Variants in TFAP2D observed in about 807,000 individuals in gnomAD.
TFAP2D encodes the protein transcription factor AP-2 delta.
TFAP2D carries 9 observed loss-of-function variants against 43.6 expected under a neutral mutation model. That is an observed-to-expected ratio of 0.21 (90% CI 0.12 to 0.36). TFAP2D has a LOEUF of 0.36. TFAP2D is among the 10% of genes least tolerant of loss of function. TFAP2D has a pLI of 1.00. For missense variants in TFAP2D, 513 were observed against 561.4 expected, an observed-to-expected ratio of 0.91 and a Z score of 0.87; for synonymous variants, 256 against 224.9, an observed-to-expected ratio of 1.14 and a Z score of -1.24.
In TFAP2D at chr6:50,713,876, A is replaced by G; in HGVS notation, c.-180A>G. On this transcript the variant is annotated 5_prime_UTR_variant, in exon 1 of 8. Transcript: ENST00000008391. ...GAAAATTTTGTTCCTACAGGTTTTT[A>G]AGTGGGTACGAGGCAAGGAGCTATC... 3 of 870,090 alleles carry G rather than the reference A, an allele frequency of 3.4e-6. No homozygotes were observed. The highest frequency in any genetic ancestry group is 1.8e-6 in the Non-Finnish European group (1 of 570,426). 53.9% of individuals were successfully genotyped at this position (870,090 alleles called of 1,614,324 possible). A position where few individuals can be genotyped will look rare whatever the true frequency, so the allele number is the denominator to read the frequency against.
chr6:50,719,495 A>T (rs980556659), intron 3 of TFAP2D, among the ~76,000 whole-genome samples: 323 of 132,724 alleles, frequency 2.4e-3, no homozygotes, highest in Non-Finnish European at 4.0e-3. Flanking sequence ...GAAAGAAAGA[A>T]AGAAAGAAGT....
chr6:50,755,346 G>C (rs1208526137), intron 7 of TFAP2D, among the ~76,000 whole-genome samples: 1 of 150,520 alleles, frequency 6.6e-6, no homozygotes, highest in East Asian at 2.0e-4. Context: ...AAGTCAGCTT[G>C]TTGCTTAGCC....
intron 7 of TFAP2D, among the ~76,000 whole-genome samples, chr6:50,759,817 C>A (rs974551363): frequency 6.6e-6 from 1 of 151,946 alleles, no homozygotes; most frequent in Non-Finnish European, 1.5e-5. Context: ...TCACAAGGAC[C>A]CATTCATTCC....
chr6:50,719,551 G>T (rs1171158113), intron 3 of TFAP2D, among the ~76,000 whole-genome samples: 1 of 152,164 alleles, frequency 6.6e-6, no homozygotes, highest in African/African-American at 2.4e-5. Flanking sequence ...TCCTCCAGCA[G>T]AATTTCTGGT....
intron 5 of TFAP2D, among the ~76,000 whole-genome samples, chr6:50,734,699 A>C (rs1229883040): frequency 1.3e-5 from 2 of 152,074 alleles, no homozygotes; most frequent in Non-Finnish European, 2.9e-5. Flanking sequence ...TAATCACGTG[A>C]CCACACCTTA....
chr6:50,723,179 A>T (rs1400343055), intron 3 of TFAP2D, among the ~76,000 whole-genome samples: 1 of 152,226 alleles, frequency 6.6e-6, no homozygotes, highest in East Asian at 1.9e-4. Context: ...ATCTGATTTA[A>T]TTTCTTTAAA....
intron 3 of TFAP2D, among the ~76,000 whole-genome samples, chr6:50,722,648 A>G (rs1466795724): frequency 6.6e-6 from 1 of 152,116 alleles, no homozygotes; most frequent in Non-Finnish European, 1.5e-5. Context: ...GATGAAGCTC[A>G]TAATAAATGG....
At chr6:50,721,813 A>G (rs1768728919) in intron 3 of TFAP2D, among the ~76,000 whole-genome samples, 1 of 152,208 alleles carries the variant, frequency 6.6e-6, no homozygotes, top group Admixed American at 6.5e-5. Flanking sequence ...AAGTTCCCGG[A>G]TTAATTTACA....
intron 5 of TFAP2D, among the ~76,000 whole-genome samples, chr6:50,743,883 A>G (rs1769088961): frequency 6.6e-6 from 1 of 152,136 alleles, no homozygotes; most frequent in African/African-American, 2.4e-5. Flanking sequence ...TGCTACTAAG[A>G]TACTTGTTGT....
chr6:50,715,604 C>T lies in TFAP2D; in HGVS notation c.528C>T (p.Asp176=), dbSNP rs573515296. 38 of 1,593,770 alleles carry T rather than the reference C, an allele frequency of 2.4e-5. No homozygotes were observed. In the Admixed American group the frequency reaches 2.5e-4, roughly 11 times the overall value. ...PSLGLAAAGA[D]DLQGSVEAQC... is the part of the protein sequence containing the mutation. ...TGGGGCTGGCCGCCGCGGGAGCAGA[C>T]GACTTGCAGGTAAATAAGCATGCAG... Residue 176 remains aspartate (D), a synonymous_variant, in exon 2 of 8, where the codon GAC becomes GAT. Transcript: ENST00000008391.
chr6:50,734,696 G>A (rs1222774549), intron 5 of TFAP2D, among the ~76,000 whole-genome samples: 1 of 151,996 alleles, frequency 6.6e-6, no homozygotes, highest in East Asian at 1.9e-4. Flanking sequence ...AACTAATCAC[G>A]TGACCACACC....
intron 7 of TFAP2D, among the ~76,000 whole-genome samples, chr6:50,756,747 G>T (rs1314230432): frequency 6.6e-6 from 1 of 151,948 alleles, no homozygotes; most frequent in Non-Finnish European, 1.5e-5. Flanking sequence ...CAACACAAAC[G>T]AGAAGGGGGA....
intron 5 of TFAP2D, among the ~76,000 whole-genome samples, chr6:50,736,526 T>C (rs1264293021): frequency 6.6e-6 from 1 of 152,178 alleles, no homozygotes; most frequent in African/African-American, 2.4e-5. Context: ...TCAATGAACC[T>C]AAAATAGTAT....
At chr6:50,759,052 G>A (rs1769328719) in intron 7 of TFAP2D, among the ~76,000 whole-genome samples, 1 of 151,994 alleles carries the variant, frequency 6.6e-6, no homozygotes, top group Non-Finnish European at 1.5e-5. Flanking sequence ...GAGACTAGTG[G>A]TTAAAACAAT....
At chr6:50,726,740 A>AT (rs985325982) in intron 3 of TFAP2D, among the ~76,000 whole-genome samples, 49 of 151,910 alleles carry the variant, frequency 3.2e-4, no homozygotes, top group African/African-American at 6.8e-4. Flanking sequence ...GTCATTTAAG[A>AT]TTTTTTTTTG....
At chr6:50,725,494 A>G (rs1326537702) in intron 3 of TFAP2D, among the ~76,000 whole-genome samples, 21 of 152,232 alleles carry the variant, frequency 1.4e-4, no homozygotes, top group Admixed American at 1.4e-3. Context: ...CTGCATGAAT[A>G]CACTGGCTAT....
At chr6:50,721,618 C>G (rs533227447) in intron 3 of TFAP2D, among the ~76,000 whole-genome samples, 1 of 152,296 alleles carries the variant, frequency 6.6e-6, no homozygotes, top group South Asian at 2.1e-4. Flanking sequence ...ACAGCTCAGA[C>G]TACTTGTGTT....
intron 5 of TFAP2D, among the ~76,000 whole-genome samples, chr6:50,730,206 C>T (rs1250536234): frequency 1.3e-5 from 2 of 152,120 alleles, no homozygotes; most frequent in Non-Finnish European, 2.9e-5. Flanking sequence ...AACATCTATA[C>T]TTTTTTTCAG....
chr6:50,729,515 A>G (rs186293213), intron 5 of TFAP2D, among the ~76,000 whole-genome samples: 10 of 152,352 alleles, frequency 6.6e-5, no homozygotes, highest in African/African-American at 1.9e-4. Context: ...CATTTAATTT[A>G]CTAATCTTGG....
Sources: allele counts gnomAD v4.1 joint callset (sites outside exome capture counted in the v4.1 genomes callset), GRCh38; gene constraint gnomAD v4.1.1; transcripts MANE v1.5; gene names NCBI Gene and HGNC (gene_info 2026-07-23, HGNC 2026-07-21).